Variants in APP observed in about 807,000 individuals in gnomAD.
APP encodes the protein amyloid-beta precursor protein.
In APP, 31 loss-of-function variants were observed where a neutral mutation model predicts 101.4. That is an observed-to-expected ratio of 0.31 (90% confidence interval 0.23 to 0.41). The LOEUF (loss-of-function observed/expected upper bound fraction) is 0.41. Among genes scored for constraint, APP ranks in the 10% least tolerant of loss-of-function variants. The pLI, the probability that APP is intolerant of heterozygous loss-of-function variation, is 1.00. For synonymous variants in APP, 366 were observed against 364.4 expected (o/e 1.00, Z -0.05); for missense variants, 839 against 1,003.7 (o/e 0.84, Z 2.22).
At chr21:26,108,523 G>A (rs914765347) in intron 2 of APP, among the ~76,000 whole-genome samples, 1 of 152,188 alleles carries the variant, frequency 6.6e-6, no homozygotes, top group African/African-American at 2.4e-5. Flanking sequence ...TATATGGTAG[G>A]GGACATAGTG....
At chr21:26,010,847 A>G (rs916328250) in intron 6 of APP, among the ~76,000 whole-genome samples, 9 of 149,726 alleles carry the variant, frequency 6.0e-5, no homozygotes, top group African/African-American at 2.0e-4. Flanking sequence ...AAAAAAGCAA[A>G]AAACAACAAA....
rs201876780 is a variant in APP at position 25,881,499 on chromosome 21, A to G, written c.*171T>C. 14 of 724,674 alleles carry G rather than the reference A, an allele frequency of 1.9e-5. No individual in the cohort carries two copies. The highest frequency in any genetic ancestry group is 2.7e-5 in the Non-Finnish European group (11 of 412,956). The allele number at this position is 724,674 out of a possible 1,614,324, so 44.9% of individuals were successfully genotyped here. On this transcript the variant is annotated 3_prime_UTR_variant, in exon 18 of 18. Coordinates refer to ENST00000346798, the MANE Select transcript of APP (RefSeq NM_000484.4). Reference sequence around the variant, plus strand: ...GATAGAATACATTACTGATGTGTGGATTAATTCAAGTTCAGGCATCTACTT... The same window carrying G: ...GATAGAATACATTACTGATGTGTGGGTTAATTCAAGTTCAGGCATCTACTT...
At chr21:25,958,717 G>A (rs1251426135) in intron 11 of APP, among the ~76,000 whole-genome samples, 1 of 152,196 alleles carries the variant, frequency 6.6e-6, no homozygotes, top group Non-Finnish European at 1.5e-5. Flanking sequence ...AGAATGATGC[G>A]TAGTCCATTG....
At position 26,100,784 on chromosome 21, in the gene APP, A is replaced by G. The variant is rs188763055; in HGVS notation, c.226-10712T>C. Among the ~76,000 whole-genome samples, 247 of 152,360 alleles carry G rather than the reference A, an allele frequency of 1.6e-3. 1 individual carries two copies. The highest frequency in any genetic ancestry group is 5.6e-3 in the African/African-American group (233 of 41,582). On this transcript the variant is annotated intron_variant, in intron 2 of 17. Transcript: ENST00000346798. ...GTTCATTTAAAGCCAGAAGGTTAAA[A>G]AGGCAGAGAACAGATAATGTTAAAT...
chr21:25,883,117 A>G (rs1169299886), intron 17 of APP, among the ~76,000 whole-genome samples: 2 of 152,318 alleles, frequency 1.3e-5, no homozygotes, highest in African/African-American at 4.8e-5. Context: ...AGATCTGTCA[A>G]TATGGCCGGG....
chr21:26,087,720 T>C (rs1254958272), intron 3 of APP, among the ~76,000 whole-genome samples: 3 of 152,216 alleles, frequency 2.0e-5, no homozygotes, highest in Non-Finnish European at 4.4e-5. Flanking sequence ...AGTGGTTCTC[T>C]TTCCATAATG....
At chr21:26,011,207 C>T (rs898028048) in intron 6 of APP, among the ~76,000 whole-genome samples, 6 of 152,068 alleles carry the variant, frequency 3.9e-5, no homozygotes, top group African/African-American at 1.4e-4. Context: ...TCCCAAGTAG[C>T]TGGGATTATA....
intron 1 of APP, among the ~76,000 whole-genome samples, chr21:26,119,048 C>T (rs2062503681): frequency 6.6e-6 from 1 of 152,120 alleles, no homozygotes; most frequent in Non-Finnish European, 1.5e-5. Flanking sequence ...TGCTCATTAT[C>T]TCATTTGACT....
chr21:26,034,440 C>T (rs1051921299), intron 5 of APP, among the ~76,000 whole-genome samples: 5 of 151,628 alleles, frequency 3.3e-5, no homozygotes, highest in African/African-American at 4.8e-5. Context: ...GACAGGAGAT[C>T]GAGACCATCC....
At chr21:26,169,676 AGGGAGCCGGGC>A (rs2063697475) in intron 1 of APP, among the ~76,000 whole-genome samples, 1 of 152,200 alleles carries the variant, frequency 6.6e-6, no homozygotes, top group Admixed American at 6.5e-5. Context: ...AGCCCCGGGA[AGGGAGCCGGGC>A]GGGAGCCTCG....
At chr21:25,994,849 A>G (rs915920160) in intron 8 of APP, among the ~76,000 whole-genome samples, 1 of 152,248 alleles carries the variant, frequency 6.6e-6, no homozygotes, top group African/African-American at 2.4e-5. Flanking sequence ...TGCTATAAAT[A>G]AGACCACATA....
chr21:26,120,969 G>C (rs953713906), intron 1 of APP, among the ~76,000 whole-genome samples: 1 of 97,564 alleles, frequency 1.0e-5, no homozygotes, highest in Non-Finnish European at 2.0e-5. Context: ...AAAGCAGTGA[G>C]GGCTCTTGCC....
At chr21:26,019,475 C>T (rs974488016) in intron 6 of APP, among the ~76,000 whole-genome samples, 1 of 152,202 alleles carries the variant, frequency 6.6e-6, no homozygotes, top group African/African-American at 2.4e-5. Flanking sequence ...CCCTCTTACT[C>T]TCGGAGGCAG....
chr21:26,114,611 C>G (rs1055183752), intron 1 of APP, among the ~76,000 whole-genome samples: 4 of 152,168 alleles, frequency 2.6e-5, no homozygotes, highest in Non-Finnish European at 4.4e-5. Context: ...CTGCCATGTT[C>G]TGAGACATTT....
At chr21:25,927,409 T>C (rs912329630) in intron 13 of APP, among the ~76,000 whole-genome samples, 1 of 152,210 alleles carries the variant, frequency 6.6e-6, no homozygotes, top group Non-Finnish European at 1.5e-5. Context: ...TCAAGAGAGA[T>C]ACAGCCCTGT....
chr21:25,887,406 C>T (rs1429126467), intron 17 of APP, among the ~76,000 whole-genome samples: 1 of 151,000 alleles, frequency 6.6e-6, no homozygotes, highest in Admixed American at 6.6e-5. Context: ...CTGCTTGAAG[C>T]ACCAATAAGG....
intron 1 of APP, among the ~76,000 whole-genome samples, chr21:26,140,855 G>A (rs2063030187): frequency 6.6e-6 from 1 of 152,194 alleles, no homozygotes; most frequent in Non-Finnish European, 1.5e-5. Flanking sequence ...TTCATAGGGT[G>A]GTTGGGCTAA....
intron 15 of APP, among the ~76,000 whole-genome samples, chr21:25,902,851 C>T (rs539091811): frequency 1.3e-5 from 2 of 152,242 alleles, no homozygotes; most frequent in South Asian, 2.1e-4. Context: ...GGGACCCTAC[C>T]GTTTAATTTC....
At chr21:26,138,171 T>C (rs1367880715) in intron 1 of APP, among the ~76,000 whole-genome samples, 1 of 152,180 alleles carries the variant, frequency 6.6e-6, no homozygotes, top group Non-Finnish European at 1.5e-5. Context: ...AATGATATGA[T>C]ACCTGAGAAT....
Sources: gnomAD v4.1 joint callset for allele counts (sites outside exome capture counted in the v4.1 genomes callset) on GRCh38, gnomAD v4.1.1 for gene constraint, MANE v1.5 for transcripts, NCBI Gene and HGNC (gene_info 2026-07-23, HGNC 2026-07-21) for gene names.